TLX1: variants seen among roughly 807,000 people sequenced by gnomAD.
The protein encoded by TLX1 is T-cell leukemia homeobox protein 1.
TLX1 carries 6 observed loss-of-function variants against 26.5 expected under a neutral mutation model. That is an observed-to-expected ratio of 0.23 (90% confidence interval 0.12 to 0.45). The LOEUF (loss-of-function observed/expected upper bound fraction) is 0.45, where lower values mean the gene tolerates loss of function less well. Among genes scored for constraint, TLX1 ranks in the 20% least tolerant of loss-of-function variants. The probability of loss-of-function intolerance (pLI) is 0.99; values close to 1 mark genes in which losing one functional copy is unlikely to be tolerated. For synonymous variants in TLX1, 217 were observed against 219.7 expected (o/e 0.99, Z 0.11); for missense variants, 418 against 482.6 (o/e 0.87, Z 1.25).
chr10:101,134,389 G>C lies in TLX1; in HGVS notation c.770+13G>C. On this transcript the variant is annotated intron_variant, in intron 2 of 2. Coordinates refer to ENST00000370196, the MANE Select transcript of TLX1 (RefSeq NM_005521.4). ...GGACAAAGTGGAGGTGAGCAAGCGGGGCGGGCCGGCCGCCCGCGAGCGGCG... is the reference window on the plus strand; with the variant it reads ...GGACAAAGTGGAGGTGAGCAAGCGGCGCGGGCCGGCCGCCCGCGAGCGGCG... 6.5e-7 allele frequency: 1 copy of C among 1,546,526 alleles called. No individual in the cohort carries two copies. Among genetic ancestry groups the C allele is most frequent in the East Asian group, 2.3e-5 (1 of 42,654 alleles).
Position 101,137,270 on chromosome 10 carries a change from T to TTAATG in TLX1, c.*357_*358insTAATG. 2.9e-6 allele frequency: 1 copy of TTAATG among 341,394 alleles called. No individual in the cohort carries two copies. The highest frequency in any genetic ancestry group is 5.4e-6 in the Non-Finnish European group (1 of 184,918). The allele number at this position is 341,394 out of a possible 1,614,324, so 21.1% of individuals were successfully genotyped here. ...GGTCCCCAGGGCTGTCATCTGAATT[T>TTAATG]GCCCTGGGAAACCCCTTCTCTGTGA... On this transcript the variant is annotated 3_prime_UTR_variant, in exon 3 of 3. Coordinates refer to ENST00000370196, the MANE Select transcript of TLX1 (RefSeq NM_005521.4).
rs780598991 is a variant in TLX1 at position 101,134,116 on chromosome 10, C to T, written c.569-59C>T. 9 of 1,486,508 alleles carry T rather than the reference C, an allele frequency of 6.1e-6. No individual in the cohort carries two copies. In the African/African-American group the frequency reaches 1.3e-4, roughly 21 times the overall value. 92.1% of individuals were successfully genotyped at this position (1,486,508 alleles called of 1,614,324 possible). A position where few individuals can be genotyped will look rare whatever the true frequency, so the allele number is the denominator to read the frequency against. On this transcript the variant is annotated intron_variant, in intron 1 of 2. Transcript: ENST00000370196. ...CTGACGCTCTGCTGCTTGCCTCTGC[C>T]GTCTGTCTGTCTCCCGCTCCAGTGG...
intron 2 of TLX1, among the ~76,000 whole-genome samples, chr10:101,135,117 C>G (rs932136143): frequency 4.6e-5 from 7 of 152,234 alleles, no homozygotes; most frequent in Non-Finnish European, 8.8e-5. Context: ...CCAACACTCT[C>G]GAGCAGCCTC....
chr10:101,136,416 G>T (rs1384592943), intron 2 of TLX1, among the ~76,000 whole-genome samples: 1 of 152,206 alleles, frequency 6.6e-6, no homozygotes, highest in African/African-American at 2.4e-5. Context: ...TGGGCGCTGC[G>T]CGTGGATGCG....
In TLX1 at chr10:101,137,626, G is replaced by A. The variant is rs916595650; in HGVS notation, c.*713G>A. On this transcript the variant is annotated 3_prime_UTR_variant, in exon 3 of 3. Transcript: ENST00000370196. ...ACACATCCCAGCCCAATCCAGGTAC[G>A]CACAGACAGGTTTTCACATAAATGC... The A allele has an allele frequency of 8.6e-6, 2 of 233,872 alleles. No individual in the cohort carries two copies. Among genetic ancestry groups the A allele is most frequent in the Non-Finnish European group, 1.7e-5 (2 of 118,254 alleles). 14.5% of individuals were successfully genotyped at this position (233,872 alleles called of 1,614,324 possible). A position where few individuals can be genotyped will look rare whatever the true frequency, so the allele number is the denominator to read the frequency against.
chr10:101,131,964 C>T lies in TLX1; in HGVS notation c.423C>T (p.Ala141=), dbSNP rs1454523504. ...VIRVPAHRPL[A]GAVAHPQPLA... is the part of the protein sequence containing the mutation. ...GGGTGCCGGCACACAGGCCGCTCGC[C>T]GGAGCCGTGGCCCACCCCCAGCCCC... The change falls in exon 1 of 3, where the codon GCC becomes GCT. Residue 141 remains alanine (A), a synonymous_variant. Coordinates refer to ENST00000370196, the MANE Select transcript of TLX1 (RefSeq NM_005521.4). 6.7e-7 allele frequency: 1 copy of T among 1,500,762 alleles called. No individual in the cohort carries two copies. Among genetic ancestry groups the T allele is most frequent in the Admixed American group, 2.1e-5 (1 of 47,204 alleles). 93.0% of individuals were successfully genotyped at this position (1,500,762 alleles called of 1,614,324 possible). A position where few individuals can be genotyped will look rare whatever the true frequency, so the allele number is the denominator to read the frequency against.
Position 101,134,239 on chromosome 10 carries a change from G to A in TLX1, c.633G>A (p.Leu211=). 6.2e-7 allele frequency: 1 copy of A among 1,611,512 alleles called. No homozygotes were observed. The highest frequency in any genetic ancestry group is 8.5e-7 in the Non-Finnish European group (1 of 1,179,074). The stretch of plus-strand genomic sequence containing the variant: ...AGCCGCGCACGTCCTTCACACGCCT[G>A]CAGATCTGCGAGCTGGAGAAGCGCT... ...KKKPRTSFTR[L]QICELEKRFH... The change falls in exon 2 of 3, where the codon CTG becomes CTA. Residue 211 remains leucine, a synonymous_variant. Coordinates refer to ENST00000370196, the MANE Select transcript of TLX1 (RefSeq NM_005521.4).
In TLX1 at chr10:101,137,219, G is replaced by T; in HGVS notation, c.*306G>T. 1 of 405,584 alleles carries T rather than the reference G, an allele frequency of 2.5e-6. No individual in the cohort carries two copies. Among genetic ancestry groups the T allele is most frequent in the Non-Finnish European group, 4.5e-6 (1 of 224,126 alleles). 25.1% of individuals were successfully genotyped at this position (405,584 alleles called of 1,614,324 possible). ...AACGTGGGATTCAGAGAAAGGCAAG[G>T]GAGGTAAGGGAGGAGGAGCTTCTGG... On this transcript the variant is annotated 3_prime_UTR_variant, in exon 3 of 3. Coordinates refer to ENST00000370196, the MANE Select transcript of TLX1 (RefSeq NM_005521.4).
chr10:101,132,481 C>T lies in TLX1; in HGVS notation c.568+372C>T, dbSNP rs557191675. On this transcript the variant is annotated intron_variant, in intron 1 of 2. Transcript: ENST00000370196. The surrounding 1 kb of genome is among the most constrained non-coding windows in gnomAD (Gnocchi z 4.1). ...GTGCAACGTGAACAGTTTCTTCCGT[C>T]CTGGCTGCTGTTCTAGGACCCAGGA... Among the ~76,000 whole-genome samples, 50 of 152,322 alleles carry T rather than the reference C, an allele frequency of 3.3e-4. No individual in the cohort carries two copies. Among genetic ancestry groups the T allele is most frequent in the Non-Finnish European group, 6.9e-4 (47 of 68,014 alleles).
At position 101,131,877 on chromosome 10, in the gene TLX1, T is replaced by A; in HGVS notation, c.336T>A (p.Gly112=). Residue 112 remains glycine, a synonymous_variant, in exon 1 of 3, where the codon GGT becomes GGA. Coordinates refer to ENST00000370196, the MANE Select transcript of TLX1 (RefSeq NM_005521.4). ...NVNMALAGGP[G]PGGGGGSSGG... ...ACATGGCCTTGGCAGGCGGCCCCGG[T>A]CCTGGCGGCGGCGGCGGCAGCAGCG... The A allele has an allele frequency of 5.0e-6, 7 of 1,402,000 alleles. No individual in the cohort carries two copies. The highest frequency in any genetic ancestry group is 6.4e-6 in the Non-Finnish European group (7 of 1,085,344). The allele number at this position is 1,402,000 out of a possible 1,614,324, so 86.8% of individuals were successfully genotyped here.
rs1440747164 is a variant in TLX1, at chr10:101,134,187, A to G, written c.581A>G (p.Gln194Arg). The change falls in exon 2 of 3, where the codon CAG becomes CGG. Residue 194 changes from glutamine to arginine, a missense_variant. Transcript: ENST00000370196. ...TKDRFTGHPY[Q>R]NRTPPKKKKP... ...ACACGCCGTATAGGTCACCCCTATC[A>G]GAACCGGACGCCCCCCAAGAAGAAG... 1 of 1,606,068 alleles carries G rather than the reference A, an allele frequency of 6.2e-7. No individual in the cohort carries two copies. Among genetic ancestry groups the G allele is most frequent in the African/African-American group, 1.3e-5 (1 of 74,770 alleles).
At chr10:101,134,513 G>A in intron 2 of TLX1, 137 bp downstream of exon 2, 1 of 1,029,686 alleles carries the variant, frequency 9.7e-7, no homozygotes, top group Non-Finnish European at 1.4e-6. Flanking sequence ...GCTCCCGCTA[G>A]GCTTGCGGGG....
rs1036256024 is a variant in TLX1, at chr10:101,134,103, T to A, written c.569-72T>A. 10 of 1,436,514 alleles carry A rather than the reference T, an allele frequency of 7.0e-6. No individual in the cohort carries two copies. The Admixed American group carries it at 1.8e-4, about 27-fold the overall frequency. 89.0% of individuals were successfully genotyped at this position (1,436,514 alleles called of 1,614,324 possible). On this transcript the variant is annotated intron_variant, in intron 1 of 2. Transcript: ENST00000370196. The stretch of plus-strand genomic sequence containing the variant: ...CCTGGGACGCTTCCTGACGCTCTGC[T>A]GCTTGCCTCTGCCGTCTGTCTGTCT...
chr10:101,133,932 C>A (rs550619970), intron 1 of TLX1, among the ~76,000 whole-genome samples: 1 of 152,192 alleles, frequency 6.6e-6, no homozygotes, highest in African/African-American at 2.4e-5. Flanking sequence ...GGGAGGCCTC[C>A]GTGGTAGCGG....
Position 101,131,574 on chromosome 10 carries a change from G to C in TLX1, c.33G>C (p.Pro11=). The change falls in exon 1 of 3, where the codon CCG becomes CCC. Residue 11 remains proline, a synonymous_variant. Coordinates refer to ENST00000370196, the MANE Select transcript of TLX1 (RefSeq NM_005521.4). The part of the protein sequence containing the change: MEHLGPHHLH[P]GHAEPISFGI... ...ACCTGGGTCCGCACCACCTCCACCC[G>C]GGTCACGCAGAGCCCATTAGCTTCG... 1 of 1,545,812 alleles carries C rather than the reference G, an allele frequency of 6.5e-7. No homozygotes were observed. Among genetic ancestry groups the C allele is most frequent in the South Asian group, 1.2e-5 (1 of 82,544 alleles).
Position 101,132,008 on chromosome 10 carries a change from C to G in TLX1, c.467C>G (p.Thr156Ser). The G allele has an allele frequency of 6.6e-7, 1 of 1,525,258 alleles. No homozygotes were observed. Among genetic ancestry groups the G allele is most frequent in the Non-Finnish European group, 8.7e-7 (1 of 1,145,184 alleles). The allele number at this position is 1,525,258 out of a possible 1,614,324, so 94.5% of individuals were successfully genotyped here. ...CAGCCCCTGGCCACCGGCTTGCCCA[C>G]CGTGCCCTCTGTGCCTGCCATGCCG... ...HPQPLATGLP[T>S]VPSVPAMPGV... The change falls in exon 1 of 3, where the codon ACC (threonine) becomes AGC (serine). Residue 156 changes from threonine (T) to serine (S), a missense_variant. Thr to Ser is a moderately conservative substitution (Grantham distance 58). Around this residue, in one of 3 missense-constraint regions of TLX1, gnomAD observed 322 missense variants for 344.6 expected, o/e 0.93. Coordinates refer to ENST00000370196, the MANE Select transcript of TLX1 (RefSeq NM_005521.4). The surrounding 1 kb of genome is among the most constrained non-coding windows in gnomAD (Gnocchi z 4.1).
Position 101,134,284 on chromosome 10 carries a change from G to C in TLX1, c.678G>C (p.Leu226=), listed in dbSNP as rs1480629324. 1 of 1,612,328 alleles carries C rather than the reference G, an allele frequency of 6.2e-7. No homozygotes were observed. Among genetic ancestry groups the C allele is most frequent in the Admixed American group, 1.7e-5 (1 of 59,840 alleles). The change falls in exon 2 of 3, where the codon CTG becomes CTC. Residue 226 remains leucine, a synonymous_variant. Transcript: ENST00000370196. ...AGCGCTTCCACCGCCAGAAGTACCT[G>C]GCCTCGGCCGAGCGCGCCGCCCTGG... ...LEKRFHRQKY[L]ASAERAALAK... is the part of the protein sequence containing the mutation.
At chr10:101,135,319 G>A (rs1007984937) in intron 2 of TLX1, 3 of 154,094 alleles carry the variant, frequency 1.9e-5, no homozygotes, top group Non-Finnish European at 4.4e-5. Flanking sequence ...GGGGCAGGAG[G>A]AAGGAATTGG....
intron 2 of TLX1, among the ~76,000 whole-genome samples, chr10:101,136,060 C>A (rs1940288159): frequency 6.6e-6 from 1 of 152,160 alleles, no homozygotes; most frequent in South Asian, 2.1e-4. Flanking sequence ...TAGAGACAGA[C>A]GTTTGATCTC....
Sources: gnomAD v4.1 joint callset for allele counts (sites outside exome capture counted in the v4.1 genomes callset) on GRCh38, gnomAD v4.1.1 for gene constraint, gnomAD v4.1.1 regional missense constraint, Gnocchi (gnomAD v3.1) non-coding constraint, MANE v1.5 for transcripts, NCBI Gene and HGNC (gene_info 2026-07-23, HGNC 2026-07-21) for gene names.